EDA: variants seen among roughly 807,000 people sequenced by gnomAD.
EDA encodes ectodysplasin-A.
EDA carries 2 observed loss-of-function variants against 23.6 expected under a neutral mutation model. The ratio of observed to expected loss-of-function variants is 0.08; its 90% CI spans 0.03 to 0.27. The LOEUF is 0.27. EDA is among the 10% of genes least tolerant of loss of function. The probability of loss-of-function intolerance (pLI) is 1.00; values close to 1 mark genes in which losing one functional copy is unlikely to be tolerated. For missense variants in EDA, 229 were observed against 324.2 expected, an observed-to-expected ratio of 0.71 and a Z score of 2.26; for synonymous variants, 131 against 132.0, an observed-to-expected ratio of 0.99 and a Z score of 0.05.
chrX:69,758,777 G>A (rs762923210), intron 1 of EDA, among the ~76,000 whole-genome samples: 5 of 112,435 alleles, frequency 4.4e-5, no homozygotes, highest in Middle Eastern at 4.7e-3. Flanking sequence ...TGTAGGTTGC[G>A]GTGAGCCGAG....
chrX:69,740,349 T>A (rs1444981882), intron 1 of EDA, among the ~76,000 whole-genome samples: 5 of 111,659 alleles, frequency 4.5e-5, no homozygotes, highest in Non-Finnish European at 9.5e-5. Flanking sequence ...TATCTGTCTT[T>A]GTTTATATAG....
At chrX:69,625,939 G>A (rs1157198698) in intron 1 of EDA, among the ~76,000 whole-genome samples, 2 of 108,900 alleles carry the variant, frequency 1.8e-5, no homozygotes, top group Non-Finnish European at 3.8e-5. Context: ...ATATTCAAAG[G>A]AATTTACAAA....
At chrX:69,679,715 T>C (rs1327925578) in intron 1 of EDA, among the ~76,000 whole-genome samples, 2 of 111,912 alleles carry the variant, frequency 1.8e-5, no homozygotes, top group South Asian at 3.7e-4. Flanking sequence ...CTCTCTTTTT[T>C]TCTTTATTAG....
intron 1 of EDA, among the ~76,000 whole-genome samples, chrX:69,796,116 G>A (rs1026400066): frequency 1.8e-5 from 2 of 111,934 alleles, no homozygotes; most frequent in Non-Finnish European, 3.8e-5. Flanking sequence ...ACCAACACCA[G>A]TGCACATTGC....
At chrX:69,717,140 G>T (rs2012369649) in intron 1 of EDA, among the ~76,000 whole-genome samples, 2 of 111,105 alleles carry the variant, frequency 1.8e-5, no homozygotes, top group African/African-American at 3.3e-5. Context: ...TCCTTGTCTT[G>T]TGCTGGTTTT....
At position 70,037,999 on chromosome X, in the gene EDA, A is replaced by G. The variant is rs1429039671; in HGVS notation, c.*2390A>G. 3 of 111,001 alleles carry G rather than the reference A, an allele frequency of 2.7e-5. No homozygotes were observed. Among genetic ancestry groups the G allele is most frequent in the Non-Finnish European group, 5.7e-5 (3 of 53,010 alleles). 9.1% of individuals were successfully genotyped at this position (111,001 alleles called of 1,213,427 possible). A position where few individuals can be genotyped will look rare whatever the true frequency, so the allele number is the denominator to read the frequency against. On this transcript the variant is annotated 3_prime_UTR_variant, in exon 8 of 8. Transcript: ENST00000374552. ...AAGTCCTCCTTTCATTACCCTACAG[A>G]CAGCTTACAGGAGCCAGCCTGCTTC...
chrX:69,729,661 A>G (rs1042359350), intron 1 of EDA, among the ~76,000 whole-genome samples: 9 of 111,934 alleles, frequency 8.0e-5, no homozygotes, highest in African/African-American at 2.9e-4. Flanking sequence ...CTTACTGAAA[A>G]TAAAATCAAC....
At chrX:69,954,354 C>T (rs1490232971) in intron 1 of EDA, among the ~76,000 whole-genome samples, 1 of 111,545 alleles carries the variant, frequency 9.0e-6, no homozygotes, top group Non-Finnish European at 1.9e-5. Context: ...AGAAGTAGCA[C>T]ACCTCCTCCA....
At chrX:69,785,227 G>T (rs1351092544) in intron 1 of EDA, among the ~76,000 whole-genome samples, 3 of 94,490 alleles carry the variant, frequency 3.2e-5, no homozygotes, top group East Asian at 6.2e-4. Flanking sequence ...ATACAATCAT[G>T]TCGTCTGCAA....
chrX:70,012,756 A>G (rs1274219774), intron 2 of EDA, among the ~76,000 whole-genome samples: 1 of 112,481 alleles, frequency 8.9e-6, no homozygotes, highest in Non-Finnish European at 1.9e-5. Flanking sequence ...CTTACGGAAA[A>G]GCAGCCAGAC....
At chrX:70,020,339 C>T (rs927910748) in intron 2 of EDA, among the ~76,000 whole-genome samples, 1 of 111,228 alleles carries the variant, frequency 9.0e-6, no homozygotes, top group Non-Finnish European at 1.9e-5. Flanking sequence ...AGGCGGATCA[C>T]GAGGTCAGGA....
intron 1 of EDA, among the ~76,000 whole-genome samples, chrX:69,770,557 C>T (rs1252566349): frequency 2.7e-5 from 3 of 111,472 alleles, no homozygotes; most frequent in Admixed American, 9.6e-5. Flanking sequence ...CTCTTCAAAT[C>T]TCCCATTTTC....
chrX:70,011,741 CCTT>C (rs2019879005), intron 2 of EDA, among the ~76,000 whole-genome samples: 1 of 111,563 alleles, frequency 9.0e-6, no homozygotes, highest in Admixed American at 9.5e-5. Flanking sequence ...GCAACAAGCT[CCTT>C]CTTTTTTGTT....
At chrX:69,729,025 T>C (rs772948363) in intron 1 of EDA, 2 of 111,845 alleles carry the variant, frequency 1.8e-5, no homozygotes, top group East Asian at 2.8e-4. Context: ...TGGAAATTGA[T>C]GCAGAGATTC....
intron 1 of EDA, among the ~76,000 whole-genome samples, chrX:69,944,238 A>G (rs773955986): frequency 1.5e-3 from 171 of 112,214 alleles, no homozygotes; most frequent in Middle Eastern, 4.6e-3. Context: ...TTTGTCAAGC[A>G]AGAGGATTCT....
intron 2 of EDA, among the ~76,000 whole-genome samples, chrX:70,013,128 T>A (rs1343967655): frequency 8.9e-6 from 1 of 112,356 alleles, no homozygotes; most frequent in Non-Finnish European, 1.9e-5. Flanking sequence ...ACCCTGCCCC[T>A]GCCTGAACAC....
At chrX:69,651,800 G>T (rs1433181669) in intron 1 of EDA, among the ~76,000 whole-genome samples, 1 of 110,659 alleles carries the variant, frequency 9.0e-6, no homozygotes, top group African/African-American at 3.3e-5. Context: ...GTTGGGAGAA[G>T]AAATGGGATA....
At chrX:69,879,447 A>C (rs2017707893) in intron 1 of EDA, among the ~76,000 whole-genome samples, 1 of 111,794 alleles carries the variant, frequency 8.9e-6, no homozygotes, top group Admixed American at 9.5e-5. Context: ...GAAAGAAAAA[A>C]TATAATGGTG....
chrX:69,727,001 C>G (rs1402755895), intron 1 of EDA, among the ~76,000 whole-genome samples: 2 of 111,738 alleles, frequency 1.8e-5, no homozygotes, highest in African/African-American at 6.5e-5. Flanking sequence ...TACCTGGGCT[C>G]TTTTCTGGCG....
Sources: allele counts gnomAD v4.1 joint callset (sites outside exome capture counted in the v4.1 genomes callset), GRCh38; gene constraint gnomAD v4.1.1; transcripts MANE v1.5; gene names NCBI Gene and HGNC (gene_info 2026-07-23, HGNC 2026-07-21).